MROH2B: variants seen among roughly 807,000 people sequenced by gnomAD.
MROH2B encodes maestro heat like repeat family member 2B.
Under a neutral mutation model 208.6 loss-of-function variants are expected in MROH2B, and 177 were observed. The ratio of observed to expected loss-of-function variants is 0.85; its 90% CI spans 0.75 to 0.96. The LOEUF (loss-of-function observed/expected upper bound fraction) is 0.96. MROH2B is among the 40% of genes least tolerant of loss of function. MROH2B has a pLI of 0.00. For synonymous variants in MROH2B, 728 were observed against 659.0 expected (o/e 1.10, Z -1.60); for missense variants, 2,002 against 1,878.7 (o/e 1.07, Z -1.21).
chr5:41,047,335 G>GAGGAAAT (rs1743151977), intron 17 of MROH2B, among the ~76,000 whole-genome samples: 1 of 152,104 alleles, frequency 6.6e-6, no homozygotes, highest in African/African-American at 2.4e-5. Context: ...ACAAATAGAA[G>GAGGAAAT]AGGAAATACA....
chr5:41,003,634 T>TC (rs1381162357), intron 37 of MROH2B, among the ~76,000 whole-genome samples: 1 of 152,154 alleles, frequency 6.6e-6, no homozygotes, highest in African/African-American at 2.4e-5. Flanking sequence ...AATGAAGACT[T>TC]CTCAAGTCTG....
intron 21 of MROH2B, among the ~76,000 whole-genome samples, chr5:41,036,419 A>G (rs564812734): frequency 2.0e-4 from 30 of 152,276 alleles, no homozygotes; most frequent in Non-Finnish European, 5.9e-5. Flanking sequence ...ATCCCCAGCC[A>G]TGTGGAACTT....
intron 35 of MROH2B, 180 bp downstream of exon 35, chr5:41,005,351 T>C: frequency 1.8e-6 from 1 of 569,484 alleles, no homozygotes; most frequent in Non-Finnish European, 3.1e-6. Flanking sequence ...TGGTTTATTT[T>C]CCTCTCTCAC....
Position 41,042,155 on chromosome 5 carries a change from G to A in MROH2B, c.1890C>T (p.Asp630=). The A allele has an allele frequency of 6.3e-7, 1 of 1,596,430 alleles. No homozygotes were observed. Among genetic ancestry groups the A allele is most frequent in the Non-Finnish European group, 8.5e-7 (1 of 1,170,712 alleles). The change falls in exon 19 of 42, where the codon GAC becomes GAT. Residue 630 remains aspartate (D), a synonymous_variant. Coordinates refer to ENST00000399564, the MANE Select transcript of MROH2B (RefSeq NM_173489.5). ...GTTLACCQDS[D]FVNSQIKEFL... is the part of the protein sequence containing the mutation. The stretch of plus-strand genomic sequence containing the variant: ...ACTCCTTAATCTGTGAGTTTACAAA[G>A]TCTGAATCTTGGCAGCATGCTAAGG...
Position 40,998,104 on chromosome 5 carries a change from G to A in MROH2B, c.4706C>T (p.Ala1569Val). The A allele has an allele frequency of 6.2e-7, 1 of 1,612,534 alleles. No homozygotes were observed. Among genetic ancestry groups the A allele is most frequent in the Non-Finnish European group, 8.5e-7 (1 of 1,178,740 alleles). Residue 1569 changes from alanine (A) to valine (V), a missense_variant, in exon 42 of 42, where the codon GCT becomes GTT. Physicochemically the swap from Ala to Val is moderately conservative, Grantham distance 64. Coordinates refer to ENST00000399564, the MANE Select transcript of MROH2B (RefSeq NM_173489.5). The stretch of plus-strand genomic sequence containing the variant: ...CCTTCTCAGGAGGGTTTGCAAAGCA[G>A]CCTCAGCTGCTCTCTGGACACTAAT... ...PCISVQRAAEAALQTLLRRCK... is the reference protein window; with the variant it reads ...PCISVQRAAEVALQTLLRRCK...
At chr5:41,006,169 G>GAT in intron 34 of MROH2B, among the ~76,000 whole-genome samples, 1 of 152,132 alleles carries the variant, frequency 6.6e-6, no homozygotes, top group Middle Eastern at 3.4e-3. Context: ...CAAAAAGCAG[G>GAT]CTAAGGACAT....
chr5:41,005,317 C>CTA, intron 35 of MROH2B: 1 of 549,146 alleles, frequency 1.8e-6, no homozygotes, highest in East Asian at 2.9e-5. Flanking sequence ...CTTCTGCAAA[C>CTA]TAGAGGGCAG....
chr5:41,013,189 T>G (rs2111845427), intron 29 of MROH2B, among the ~76,000 whole-genome samples: 1 of 152,334 alleles, frequency 6.6e-6, no homozygotes, highest in Non-Finnish European at 1.5e-5. Context: ...TGCTGAATAC[T>G]CAGGTGGTGG....
rs771231840 is a variant in MROH2B, at chr5:41,000,914, C to A, written c.4195-81G>T. 247 of 1,448,764 alleles carry A rather than the reference C, an allele frequency of 1.7e-4. 2 individuals carry two copies. The Middle Eastern group carries it at 6.1e-3, about 35-fold the overall frequency. 89.7% of individuals were successfully genotyped at this position (1,448,764 alleles called of 1,614,324 possible). A position where few individuals can be genotyped will look rare whatever the true frequency, so the allele number is the denominator to read the frequency against. Reference sequence around the variant, plus strand: ...AGCACACTCTTGGCTCTCATCCCACCCTTCCCGCTTCAGCAAAAGAAGGCT... The same window carrying A: ...AGCACACTCTTGGCTCTCATCCCACACTTCCCGCTTCAGCAAAAGAAGGCT... On this transcript the variant is annotated intron_variant, in intron 37 of 41. Coordinates refer to ENST00000399564, the MANE Select transcript of MROH2B (RefSeq NM_173489.5).
chr5:41,029,496 T>C (rs1294270477), intron 24 of MROH2B, among the ~76,000 whole-genome samples: 1 of 152,140 alleles, frequency 6.6e-6, no homozygotes, highest in East Asian at 1.9e-4. Flanking sequence ...TTTATTTATT[T>C]TTGCTTTTGT....
At chr5:41,044,980 T>C (rs1361270110) in intron 18 of MROH2B, among the ~76,000 whole-genome samples, 1 of 152,162 alleles carries the variant, frequency 6.6e-6, no homozygotes, top group Admixed American at 6.5e-5. Flanking sequence ...ATTGTTTCTA[T>C]TTTACTGATG....
Position 41,015,367 on chromosome 5 carries a change from T to C in MROH2B, c.2982+14A>G. 1 of 1,608,730 alleles carries C rather than the reference T, an allele frequency of 6.2e-7. No individual in the cohort carries two copies. ...CAGAATCTTTACATCCCCTGGCCAC[T>C]CCATATTTATTACCTTAGCTATTTT... On this transcript the variant is annotated intron_variant, in intron 29 of 41. Transcript: ENST00000399564.
intron 29 of MROH2B, among the ~76,000 whole-genome samples, chr5:41,013,866 T>A (rs1350866601): frequency 6.6e-6 from 1 of 152,234 alleles, no homozygotes; most frequent in African/African-American, 2.4e-5. Flanking sequence ...CAATTACTCA[T>A]GTCTCTGCTA....
intron 2 of MROH2B, among the ~76,000 whole-genome samples, chr5:41,069,189 A>G (rs1485522658): frequency 1.3e-5 from 2 of 152,138 alleles, no homozygotes; most frequent in Non-Finnish European, 2.9e-5. Flanking sequence ...TATACAATAC[A>G]CTGTTGTTTG....
At position 41,070,808 on chromosome 5, in the gene MROH2B, G is replaced by A; in HGVS notation, c.28+17C>T. 1 of 1,608,944 alleles carries A rather than the reference G, an allele frequency of 6.2e-7. No individual in the cohort carries two copies. Among genetic ancestry groups the A allele is most frequent in the Middle Eastern group, 1.7e-4 (1 of 6,060 alleles). ...ACAGGGAAGAGCCTTGGCTTCTCAGGATCTGATGATGCTTACCTATGGATT... is the reference window on the plus strand; with the variant it reads ...ACAGGGAAGAGCCTTGGCTTCTCAGAATCTGATGATGCTTACCTATGGATT... On this transcript the variant is annotated intron_variant, in intron 1 of 41. Transcript: ENST00000399564.
Position 41,038,874 on chromosome 5 carries a change from C to G in MROH2B, c.2076G>C (p.Gly692=), listed in dbSNP as rs754225587. The G allele has an allele frequency of 6.2e-7, 1 of 1,604,194 alleles. No individual in the cohort carries two copies. The highest frequency in any genetic ancestry group is 8.5e-7 in the Non-Finnish European group (1 of 1,176,438). Residue 692 remains glycine (G), a synonymous_variant, in exon 21 of 42, where the codon GGG becomes GGC. Coordinates refer to ENST00000399564, the MANE Select transcript of MROH2B (RefSeq NM_173489.5). The part of the protein sequence containing the change: ...FMNRCKSLFS[G]KKSLTKTDVM... ...CATCTGTCTTGGTCAGGCTCTTTTT[C>G]CCAGAAAAAAGGCTCTGAAGACCAG...
rs1470788969 is a variant in MROH2B, at chr5:41,038,973, A to C, written c.2062-85T>G. On this transcript the variant is annotated intron_variant, in intron 20 of 41. Transcript: ENST00000399564. Reference sequence around the variant, plus strand: ...TGTTTTTTTCCTAATCCTGTGGACCACTATAGGGGATAAGAAACTGGACTG... The same window carrying C: ...TGTTTTTTTCCTAATCCTGTGGACCCCTATAGGGGATAAGAAACTGGACTG... 3.2e-6 allele frequency: 4 copies of C among 1,233,146 alleles called. No individual in the cohort carries two copies. The East Asian group carries it at 9.4e-5, about 29-fold the overall frequency. 76.4% of individuals were successfully genotyped at this position (1,233,146 alleles called of 1,614,324 possible).
intron 11 of MROH2B, 85 bp downstream of exon 11, chr5:41,054,682 C>T: frequency 1.9e-6 from 2 of 1,037,036 alleles, no homozygotes; most frequent in South Asian, 1.8e-5. Flanking sequence ...ATAAAATAGT[C>T]TCATAAGTAG....
intron 24 of MROH2B, among the ~76,000 whole-genome samples, chr5:41,024,149 A>G (rs1012482360): frequency 2.0e-5 from 3 of 152,200 alleles, no homozygotes; most frequent in African/African-American, 7.2e-5. Flanking sequence ...TAACCAGCTA[A>G]CATCATAATG....
Sources: gnomAD v4.1 joint callset for allele counts (sites outside exome capture counted in the v4.1 genomes callset) on GRCh38, gnomAD v4.1.1 for gene constraint, MANE v1.5 for transcripts, NCBI Gene and HGNC (gene_info 2026-07-23, HGNC 2026-07-21) for gene names.